MDN1: variants seen among roughly 807,000 people sequenced by gnomAD.
MDN1 encodes midasin.
Under a neutral mutation model 669.2 loss-of-function variants are expected in MDN1, and 266 were observed. That is an observed-to-expected ratio of 0.40 (90% CI 0.36 to 0.44). MDN1 has a LOEUF of 0.44. Ranked by LOEUF, MDN1 falls within the 20% of genes least tolerant of loss-of-function variation. The pLI is 1.00. For missense variants in MDN1, 5,940 were observed against 6,754.0 expected (o/e 0.88, Z 4.22); for synonymous variants, 2,385 against 2,457.1 (o/e 0.97, Z 0.87).
intron 88 of MDN1, among the ~76,000 whole-genome samples, 197 bp from the exon 89 acceptor site, chr6:89,659,114 T>G (rs1481856194): frequency 2.0e-5 from 3 of 152,220 alleles, no homozygotes; most frequent in African/African-American, 7.2e-5. Flanking sequence ...CTGTGGCACA[T>G]GCCTATCATC....
intron 59 of MDN1, among the ~76,000 whole-genome samples, chr6:89,697,048 A>C (rs1356121689): frequency 6.6e-6 from 1 of 152,240 alleles, no homozygotes. Context: ...ATAATGCCAT[A>C]CAACCCTCAG....
intron 1 of MDN1, among the ~76,000 whole-genome samples, chr6:89,807,932 ATTATGT>A (rs1436470057): frequency 1.3e-5 from 2 of 151,766 alleles, no homozygotes; most frequent in Admixed American, 1.3e-4. Flanking sequence ...AATTTCTCTC[ATTATGT>A]TTATGTTTCC....
At chr6:89,717,909 G>C (rs1376597688) in intron 43 of MDN1, among the ~76,000 whole-genome samples, 2 of 152,182 alleles carry the variant, frequency 1.3e-5, no homozygotes, top group African/African-American at 4.8e-5. Flanking sequence ...CCACCACTCT[G>C]AAAGTGGCAC....
chr6:89,661,427 G>A lies in MDN1; in HGVS notation c.14713+4C>T, dbSNP rs1475806965. On this transcript the variant is annotated splice_donor_region_variant and intron_variant, in intron 88 of 101. Transcript: ENST00000369393. ...ACCGGTCTCTTTGTTTCTGAAAGAC[G>A]CACCTTCTCCTTCTTCATTGTCGGT... 45 of 1,608,196 alleles carry A rather than the reference G, an allele frequency of 2.8e-5. No homozygotes were observed. The highest frequency in any genetic ancestry group is 6.7e-5 in the African/African-American group (5 of 74,450).
Position 89,772,691 on chromosome 6 carries a change from C to T in MDN1, c.1965G>A (p.Pro655=), listed in dbSNP as rs116078829. Residue 655 remains proline (P), a synonymous_variant, in exon 14 of 102, where the codon CCG becomes CCA. Transcript: ENST00000369393. The part of the protein sequence containing the change: ...REKFTFAATR[P]SSVLIEQLAV... The stretch of plus-strand genomic sequence containing the variant: ...CAAGCTGCTCGATGAGAACAGAGGA[C>T]GGCCGTGTAGCAGCGAAAGTGAACT... 189 of 1,613,762 alleles carry T rather than the reference C, an allele frequency of 1.2e-4. No homozygotes were observed. The highest frequency in any genetic ancestry group is 1.8e-4 in the East Asian group (8 of 44,866).
At chr6:89,656,188 C>T (rs1584098468) in intron 91 of MDN1, among the ~76,000 whole-genome samples, 1 of 152,142 alleles carries the variant, frequency 6.6e-6, no homozygotes, top group South Asian at 2.1e-4. Context: ...CAAAGAAACA[C>T]ACTTTCACAC....
chr6:89,766,070 G>A (rs749302545), intron 15 of MDN1, among the ~76,000 whole-genome samples: 5 of 152,162 alleles, frequency 3.3e-5, no homozygotes, highest in Admixed American at 6.5e-5. Flanking sequence ...TGAGGCAGGC[G>A]AATGCCTTGA....
rs367855976 is a variant in MDN1, at chr6:89,688,040, A to T, written c.11355+38T>A. 4.5e-5 allele frequency: 69 copies of T among 1,542,530 alleles called. No homozygotes were observed. In the African/African-American group the frequency reaches 4.6e-4, roughly 10 times the overall value. On this transcript the variant is annotated intron_variant, in intron 67 of 101. Transcript: ENST00000369393. ...CACAAGACGTATCTTTTGCCAACTG[A>T]CCACCAACTAAAATGAGGAAGAGAG... is the stretch of plus-strand genomic sequence containing the variant.
chr6:89,734,695 G>A (rs1373111508), intron 33 of MDN1, among the ~76,000 whole-genome samples: 7 of 145,714 alleles, frequency 4.8e-5, no homozygotes, highest in Non-Finnish European at 7.5e-5. Flanking sequence ...AAAAACAAGA[G>A]AGAGAGAGAG....
At chr6:89,799,814 T>C (rs1292656060) in intron 2 of MDN1, among the ~76,000 whole-genome samples, 1 of 152,214 alleles carries the variant, frequency 6.6e-6, no homozygotes, top group Admixed American at 6.5e-5. Flanking sequence ...TTATTTGTGA[T>C]ATATGTTTAG....
chr6:89,682,941 G>GC (rs999058107), intron 73 of MDN1, among the ~76,000 whole-genome samples, 191 bp downstream of exon 73: 2 of 143,270 alleles, frequency 1.4e-5, no homozygotes, highest in African/African-American at 5.0e-5. Context: ...TCAAAAAAAA[G>GC]CAAAAAAAAA....
chr6:89,765,777 A>G (rs1817776854), intron 15 of MDN1, among the ~76,000 whole-genome samples: 1 of 152,230 alleles, frequency 6.6e-6, no homozygotes, highest in Admixed American at 6.5e-5. Context: ...CAGTTCTCTC[A>G]TGTTTAAAAT....
intron 21 of MDN1, 97 bp from the exon 22 acceptor site, chr6:89,753,719 G>A (rs1817080689): frequency 1.0e-6 from 1 of 974,626 alleles, no homozygotes; most frequent in African/African-American, 1.6e-5. Flanking sequence ...GGGTGATGCT[G>A]CTTCCCAACT....
chr6:89,796,071 T>C (rs1004848919), intron 2 of MDN1, among the ~76,000 whole-genome samples: 10 of 151,822 alleles, frequency 6.6e-5, no homozygotes, highest in Non-Finnish European at 1.5e-5. Context: ...ACACCTGAAA[T>C]CCCAGCACTT....
chr6:89,726,280 G>T (rs914976417), intron 37 of MDN1, among the ~76,000 whole-genome samples: 1 of 151,890 alleles, frequency 6.6e-6, no homozygotes, highest in Non-Finnish European at 1.5e-5. Context: ...GGCCAACATA[G>T]CGAAACCTTG....
chr6:89,814,921 C>A, intron 1 of MDN1: 1 of 481,106 alleles, frequency 2.1e-6, no homozygotes. Context: ...TAAGAGACTC[C>A]AGGCTGCAGC....
chr6:89,654,078 G>GA, intron 93 of MDN1, 86 bp downstream of exon 93: 1 of 1,443,474 alleles, frequency 6.9e-7, no homozygotes, highest in East Asian at 2.3e-5. Context: ...ACATGGAACT[G>GA]AACACCAGAC....
Position 89,695,823 on chromosome 6 carries a change from C to T in MDN1, c.9553G>A (p.Gly3185Ser). The T allele has an allele frequency of 1.9e-6, 3 of 1,613,842 alleles. No individual in the cohort carries two copies. Among genetic ancestry groups the T allele is most frequent in the Non-Finnish European group, 2.5e-6 (3 of 1,180,024 alleles). ...HVGQTLGDMA[G>S]QEVLPKELLC... ...AGTTCCTTGGGCAGCACCTCCTGAC[C>T]AGCCATGTCCCCAAGTGTCTGGCCC... The change falls in exon 61 of 102, where the codon GGT becomes AGT. Residue 3185 changes from glycine to serine, a missense_variant. Coordinates refer to ENST00000369393, the MANE Select transcript of MDN1 (RefSeq NM_014611.3). The surrounding 1 kb of genome is among the most constrained non-coding windows in gnomAD (Gnocchi z 4.1).
chr6:89,680,877 G>C (rs1197366149), intron 73 of MDN1, 126 bp from the exon 74 acceptor site: 4 of 1,004,780 alleles, frequency 4.0e-6, no homozygotes, highest in Non-Finnish European at 5.7e-6. Context: ...AACAAATGTA[G>C]CATCACTAAA....
Sources: gnomAD v4.1 joint callset for allele counts (sites outside exome capture counted in the v4.1 genomes callset) on GRCh38, gnomAD v4.1.1 for gene constraint, Gnocchi (gnomAD v3.1) non-coding constraint, MANE v1.5 for transcripts, NCBI Gene and HGNC (gene_info 2026-07-23, HGNC 2026-07-21) for gene names.